NR2C1: variants seen among roughly 807,000 people sequenced by gnomAD.
NR2C1 encodes the protein TR2 nuclear hormone receptor.
Under a neutral mutation model 74.8 loss-of-function variants are expected in NR2C1, and 33 were observed. That is an observed-to-expected ratio of 0.44 (90% CI 0.33 to 0.59). The LOEUF is 0.59. Ranked by LOEUF, NR2C1 falls within the 20% of genes least tolerant of loss-of-function variation. The pLI, the probability that NR2C1 is intolerant of heterozygous loss-of-function variation, is 0.02. For synonymous variants in NR2C1, 225 were observed against 240.6 expected (o/e 0.94, Z 0.60); for missense variants, 568 against 715.6 (o/e 0.79, Z 2.35).
intron 9 of NR2C1, among the ~76,000 whole-genome samples, chr12:95,046,718 C>T (rs1408248437): frequency 1.3e-5 from 2 of 152,108 alleles, no homozygotes; most frequent in African/African-American, 4.8e-5. Context: ...TGCTATTCAG[C>T]TCAGCAAGTA....
In NR2C1 at chr12:95,051,931, G is replaced by T; in HGVS notation, c.796C>A (p.Gln266Lys). ...LMTSDKAESC[Q>K]GDLSTLANVV... is the part of the protein sequence containing the mutation. ...TTGGCCAATGTACTTAAATCTCCCTGACATGATTCAGCCTTTAAAAAAAAG... is the reference window on the plus strand; with the variant it reads ...TTGGCCAATGTACTTAAATCTCCCTTACATGATTCAGCCTTTAAAAAAAAG... The change falls in exon 8 of 14, where the codon CAG (glutamine) becomes AAG (lysine). Residue 266 changes from glutamine (Q) to lysine (K), a missense_variant. By Grantham distance (53) the Gln-to-Lys change is moderately conservative. Transcript: ENST00000333003. The T allele has an allele frequency of 2.5e-6, 4 of 1,573,880 alleles. No homozygotes were observed. In the South Asian group the frequency reaches 3.5e-5, roughly 14 times the overall value.
intron 2 of NR2C1, chr12:95,067,076 TTTCC>T (rs201216692): frequency 1.2e-5 from 6 of 521,370 alleles, no homozygotes; most frequent in African/African-American, 2.0e-5. Flanking sequence ...CTTTAATTTC[TTTCC>T]TTCCTTCCTT....
At chr12:95,060,011 A>G in intron 3 of NR2C1, 27 bp from the exon 4 acceptor site, 1 of 1,496,738 alleles carries the variant, frequency 6.7e-7, no homozygotes, top group Non-Finnish European at 9.0e-7. Flanking sequence ...AAAAAAAGAA[A>G]ACAAAAACGA....
chr12:95,060,500 A>C (rs1373354047), intron 3 of NR2C1, among the ~76,000 whole-genome samples: 2 of 152,054 alleles, frequency 1.3e-5, no homozygotes, highest in Non-Finnish European at 2.9e-5. Context: ...CTAAAAATAC[A>C]AAAAATTAGC....
chr12:95,031,261 T>TTATTA, intron 11 of NR2C1, 88 bp downstream of exon 11: 3 of 766,942 alleles, frequency 3.9e-6, no homozygotes, highest in Non-Finnish European at 5.6e-6. Context: ...AATATAATAA[T>TTATTA]TATTAGATAT....
At chr12:95,055,952 C>CAAAAAAAAAAAAAAAAA in intron 7 of NR2C1, among the ~76,000 whole-genome samples, 1 of 56,512 alleles carries the variant, frequency 1.8e-5, no homozygotes, top group Non-Finnish European at 3.3e-5. Context: ...GACTCCGTCT[C>CAAAAAAAAAAAAAAAAA]AAAAAAAAAA....
intron 1 of NR2C1, among the ~76,000 whole-genome samples, chr12:95,068,158 G>A (rs764799147): frequency 2.6e-5 from 4 of 151,892 alleles, no homozygotes; most frequent in African/African-American, 9.7e-5. Flanking sequence ...GATTACAGGC[G>A]TGAGCCACTG....
rs1258827753 is a variant in NR2C1 at position 95,044,503 on chromosome 12, CCT to C, written c.1132-3908_1132-3907del. Among the ~76,000 whole-genome samples the C allele has an allele frequency of 2.0e-5, 3 of 151,566 alleles. No individual in the cohort carries two copies. The East Asian group carries it at 5.8e-4, about 30-fold the overall frequency. ...ACGTTGGTCAGTCTGGTCTTGAACT[CCT>C]GACCTCGTGATCCACCCACCTCAGC... is the stretch of plus-strand genomic sequence containing the variant. On this transcript the variant is annotated intron_variant, in intron 9 of 13. Coordinates refer to ENST00000333003, the MANE Select transcript of NR2C1 (RefSeq NM_003297.4).
At chr12:95,036,129 T>C (rs1029822766) in intron 10 of NR2C1, among the ~76,000 whole-genome samples, 12 of 152,242 alleles carry the variant, frequency 7.9e-5, no homozygotes, top group Non-Finnish European at 1.2e-4. Context: ...AAGGGCATGT[T>C]TGCTACCAGT....
intron 9 of NR2C1, among the ~76,000 whole-genome samples, chr12:95,044,498 G>C (rs867620983): frequency 6.7e-6 from 1 of 150,102 alleles, no homozygotes; most frequent in South Asian, 2.1e-4. Context: ...GTCTGGTCTT[G>C]AACTCCTGAC....
intron 7 of NR2C1, 75 bp downstream of exon 7, chr12:95,057,478 C>A: frequency 1.9e-6 from 2 of 1,060,544 alleles, no homozygotes; most frequent in Admixed American, 2.6e-5. Flanking sequence ...AGCAATTTAC[C>A]AAAGCAAAGG....
chr12:95,054,161 C>G (rs1565862546), intron 7 of NR2C1, among the ~76,000 whole-genome samples: 1 of 152,304 alleles, frequency 6.6e-6, no homozygotes, highest in Non-Finnish European at 1.5e-5. Flanking sequence ...TTATCATGTT[C>G]TTACATAATT....
At chr12:95,032,764 T>A (rs1870303897) in intron 10 of NR2C1, among the ~76,000 whole-genome samples, 1 of 152,154 alleles carries the variant, frequency 6.6e-6, no homozygotes, top group Non-Finnish European at 1.5e-5. Context: ...GCCCAGGAGT[T>A]GCAAACCAGC....
intron 1 of NR2C1, among the ~76,000 whole-genome samples, chr12:95,070,383 C>G (rs1876420814): frequency 6.6e-6 from 1 of 152,168 alleles, no homozygotes; most frequent in Non-Finnish European, 1.5e-5. Flanking sequence ...CCGCCCACCT[C>G]AGCCTCACAA....
Position 95,051,864 on chromosome 12 carries a change from A to C in NR2C1, c.863T>G (p.Leu288Arg). Residue 288 changes from leucine (L) to arginine (R), a missense_variant, in exon 8 of 14, where the codon CTT becomes CGT. This residue lies in a region of NR2C1 where 239 missense variants were observed against 232.3 expected (regional missense o/e 1.03). Transcript: ENST00000333003. The stretch of plus-strand genomic sequence containing the variant: ...AGACATTTCATTACTATTTTGAGAA[A>C]GATCTTTAGTTTTTCCAAGATTCGC... Reference protein sequence around the residue: ...SLANLGKTKDLSQNSNEMSMI... With the variant: ...SLANLGKTKDRSQNSNEMSMI... 6.2e-7 allele frequency: 1 copy of C among 1,612,050 alleles called. No individual in the cohort carries two copies. The highest frequency in any genetic ancestry group is 1.1e-5 in the South Asian group (1 of 90,870).
intron 10 of NR2C1, among the ~76,000 whole-genome samples, chr12:95,038,190 T>C (rs1871101471): frequency 6.6e-6 from 1 of 152,188 alleles, no homozygotes; most frequent in Admixed American, 6.5e-5. Context: ...TAAAAATGAC[T>C]TATTTTATAA....
At chr12:95,022,450 A>T in intron 13 of NR2C1, 47 bp from the exon 14 acceptor site, 1 of 1,444,924 alleles carries the variant, frequency 6.9e-7, no homozygotes. Context: ...TGTAAACCAG[A>T]AAGAAATTTA....
At chr12:95,026,345 C>T (rs909349094) in intron 12 of NR2C1, among the ~76,000 whole-genome samples, 1 of 151,904 alleles carries the variant, frequency 6.6e-6, no homozygotes, top group African/African-American at 2.4e-5. Flanking sequence ...TTATCTCTAT[C>T]AGAAAAATAA....
rs1592759974 is a variant in NR2C1, at chr12:95,049,335, C to A, written c.966-102G>T. The A allele has an allele frequency of 1.7e-5, 21 of 1,218,120 alleles. No individual in the cohort carries two copies. In the South Asian group the frequency reaches 2.9e-4, roughly 17 times the overall value. The allele number at this position is 1,218,120 out of a possible 1,614,324, so 75.5% of individuals were successfully genotyped here. ...TTAAGATTTAAGCCTAAAAAACTGG[C>A]CAGGCTGGTCTAGAACTCAAGTGAT... On this transcript the variant is annotated intron_variant, in intron 8 of 13. Coordinates refer to ENST00000333003, the MANE Select transcript of NR2C1 (RefSeq NM_003297.4).
Sources: gnomAD v4.1 joint callset for allele counts (sites outside exome capture counted in the v4.1 genomes callset) on GRCh38, gnomAD v4.1.1 for gene constraint, gnomAD v4.1.1 regional missense constraint, MANE v1.5 for transcripts, NCBI Gene and HGNC (gene_info 2026-07-23, HGNC 2026-07-21) for gene names.